Variants in CNBD2 observed in about 807,000 individuals in gnomAD.
CNBD2 encodes the protein cyclic nucleotide binding domain containing 2.
CNBD2 carries 64 observed loss-of-function variants against 63.7 expected under a neutral mutation model. The ratio of observed to expected loss-of-function variants is 1.00; its 90% CI spans 0.82 to 1.24. The LOEUF is 1.24. CNBD2 is among the 50% of genes most tolerant of loss of function. The probability of loss-of-function intolerance (pLI) is 0.00; values close to 1 mark genes in which losing one functional copy is unlikely to be tolerated. For missense variants in CNBD2, 691 were observed against 713.5 expected, an observed-to-expected ratio of 0.97 and a Z score of 0.36; for synonymous variants, 229 against 255.4, an observed-to-expected ratio of 0.90 and a Z score of 0.99.
exon 1 of CNBD2, chr20:35,955,049 G>T (rs572615174): frequency 5.8e-6 from 1 of 172,148 alleles, no homozygotes; most frequent in African/African-American, 2.4e-5. Flanking sequence ...ACCCTTTGCT[G>T]TTGTTATTTT....
At chr20:36,012,623 C>T (rs895257607) in intron 10 of CNBD2, among the ~76,000 whole-genome samples, 5 of 151,224 alleles carry the variant, frequency 3.3e-5, no homozygotes, top group Non-Finnish European at 5.9e-5. Context: ...GTTGGGAGTT[C>T]GAGACCAGCC....
chr20:36,023,986 A>G (rs1370109929), intron 11 of CNBD2, among the ~76,000 whole-genome samples: 1 of 152,256 alleles, frequency 6.6e-6, no homozygotes, highest in East Asian at 1.9e-4. Flanking sequence ...ACTTTGAGAC[A>G]GAGATTCATC....
At chr20:35,959,634 G>T (rs545156126), downstream of CNBD2, among the ~76,000 whole-genome samples, 2 of 152,156 alleles carry the variant, frequency 1.3e-5, no homozygotes, top group Non-Finnish European at 2.9e-5. Context: ...CCCACAACAC[G>T]TGGGAATTAT....
At chr20:35,954,803 G>T (rs1418106970) in exon 1 of CNBD2, 1 of 356,522 alleles carries the variant, frequency 2.8e-6, no homozygotes, top group Non-Finnish European at 5.5e-6. Flanking sequence ...ATGAGCTGTA[G>T]CTCTGATGGC....
intron 3 of CNBD2, among the ~76,000 whole-genome samples, chr20:35,977,306 C>T (rs1421675222): frequency 1.3e-5 from 2 of 152,190 alleles, no homozygotes; most frequent in East Asian, 1.9e-4. Context: ...TTTATCCTCC[C>T]GTCTCAGCCT....
At chr20:36,006,606 G>A (rs1458542991) in intron 8 of CNBD2, among the ~76,000 whole-genome samples, 3 of 152,020 alleles carry the variant, frequency 2.0e-5, no homozygotes, top group Admixed American at 6.6e-5. Flanking sequence ...TTGTAGAGAC[G>A]GGGGTTTGCC....
chr20:35,970,338 G>A (rs372327190), intron 1 of CNBD2, among the ~76,000 whole-genome samples: 6 of 152,158 alleles, frequency 3.9e-5, no homozygotes, highest in South Asian at 4.1e-4. Context: ...TCTGTAGTTC[G>A]TTGTCTCACT....
At chr20:36,028,495 G>A (rs1335593690) in intron 11 of CNBD2, among the ~76,000 whole-genome samples, 2 of 152,142 alleles carry the variant, frequency 1.3e-5, no homozygotes, top group African/African-American at 4.8e-5. Flanking sequence ...TGTGAATAGC[G>A]CAGGCTGGTT....
intron 10 of CNBD2, among the ~76,000 whole-genome samples, chr20:36,018,483 C>T (rs989248721): frequency 9.2e-5 from 14 of 152,178 alleles, no homozygotes; most frequent in African/African-American, 1.9e-4. Context: ...CGGATGCCTT[C>T]GTGAGGTGCC....
chr20:35,962,946 T>G (rs886995486), intron 2 of CNBD2, among the ~76,000 whole-genome samples: 1 of 152,242 alleles, frequency 6.6e-6, no homozygotes, highest in African/African-American at 2.4e-5. Flanking sequence ...ACATTGAGGT[T>G]GTTTGGAGTT....
chr20:35,954,618 C>G (rs1370354983), upstream of CNBD2: 6 of 1,348,178 alleles, frequency 4.5e-6, no homozygotes, highest in Non-Finnish European at 5.8e-6. Flanking sequence ...GGAGGGCGAG[C>G]TGCGCGTGGC....
intron 11 of CNBD2, among the ~76,000 whole-genome samples, chr20:36,028,292 C>T (rs1178322476): frequency 1.3e-5 from 2 of 152,088 alleles, no homozygotes; most frequent in Admixed American, 1.3e-4. Flanking sequence ...CCTGCTCAGT[C>T]AGCATTTGCG....
At chr20:35,961,913 T>G (rs2147173903) in intron 2 of CNBD2, among the ~76,000 whole-genome samples, 1 of 152,262 alleles carries the variant, frequency 6.6e-6, no homozygotes, top group Middle Eastern at 3.4e-3. Context: ...TTCTCCTTGG[T>G]CCCAGTGGGA....
At position 36,021,287 on chromosome 20, in the gene CNBD2, A is replaced by C. The variant is rs192741767; in HGVS notation, c.1270-2315A>C. Among the ~76,000 whole-genome samples the C allele has an allele frequency of 2.2e-3, 333 of 152,296 alleles. 1 individual carries two copies. Among genetic ancestry groups the C allele is most frequent in the African/African-American group, 7.6e-3 (316 of 41,566 alleles). On this transcript the variant is annotated intron_variant, in intron 10 of 11. Transcript: ENST00000373973. ...GGATGGCACTGGAGGCTGTTATGTT[A>C]AGTGGAATAAGCCAAGCACAGAAAG...
intron 11 of CNBD2, among the ~76,000 whole-genome samples, chr20:36,029,564 G>A (rs2057319860): frequency 6.6e-6 from 1 of 152,168 alleles, no homozygotes; most frequent in Admixed American, 6.5e-5. Flanking sequence ...GAGAAGAGGT[G>A]CACACGGTCA....
At chr20:36,010,077 T>G (rs1229840274) in intron 9 of CNBD2, among the ~76,000 whole-genome samples, 1 of 152,234 alleles carries the variant, frequency 6.6e-6, no homozygotes, top group East Asian at 1.9e-4. Flanking sequence ...CAGATGCACA[T>G]TGGGGTGCTG....
At chr20:35,998,502 A>G (rs945466880) in intron 8 of CNBD2, among the ~76,000 whole-genome samples, 1 of 152,148 alleles carries the variant, frequency 6.6e-6, no homozygotes, top group Non-Finnish European at 1.5e-5. Flanking sequence ...ATGAATGTTA[A>G]GTAGGTGAAG....
intron 2 of CNBD2, among the ~76,000 whole-genome samples, chr20:35,960,885 T>C (rs979671059): frequency 6.8e-5 from 10 of 147,386 alleles, no homozygotes; most frequent in African/African-American, 2.5e-4. Context: ...TCCTCTCCTC[T>C]CCTCTCCCCT....
At chr20:35,975,902 G>A in intron 2 of CNBD2, 47 bp from the exon 3 acceptor site, 9 of 1,557,978 alleles carry the variant, frequency 5.8e-6, no homozygotes, top group Non-Finnish European at 8.0e-6. Context: ...AAGTTCTAGG[G>A]GCAGTCTTGC....
Sources: gnomAD v4.1 joint callset for allele counts (sites outside exome capture counted in the v4.1 genomes callset) on GRCh38, gnomAD v4.1.1 for gene constraint, MANE v1.5 for transcripts, NCBI Gene and HGNC (gene_info 2026-07-23, HGNC 2026-07-21) for gene names.